Variants in RABGEF1 observed in about 807,000 individuals in gnomAD.
RABGEF1 encodes rab5 GDP/GTP exchange factor.
Under a neutral mutation model 57.3 loss-of-function variants are expected in RABGEF1, and 26 were observed. The observed-to-expected ratio is 0.45, with a 90% CI of 0.33 to 0.63. The LOEUF (loss-of-function observed/expected upper bound fraction) is 0.63. Among genes scored for constraint, RABGEF1 ranks in the 20% least tolerant of loss-of-function variants. RABGEF1 has a pLI of 0.02. For synonymous variants in RABGEF1, 185 were observed against 210.7 expected, an observed-to-expected ratio of 0.88 and a Z score of 1.06; for missense variants, 464 against 607.6, an observed-to-expected ratio of 0.76 and a Z score of 2.48.
At chr7:66,758,428 C>T (rs1310462468) in intron 1 of RABGEF1, among the ~76,000 whole-genome samples, 2 of 152,260 alleles carry the variant, frequency 1.3e-5, no homozygotes, top group East Asian at 1.9e-4. Flanking sequence ...ATAAGTGGGA[C>T]CAATTGAATT....
At chr7:66,765,619 T>G (rs1056795167) in intron 1 of RABGEF1, among the ~76,000 whole-genome samples, 5 of 152,186 alleles carry the variant, frequency 3.3e-5, no homozygotes, top group Admixed American at 6.5e-5. Context: ...TTTCTCTGCT[T>G]CTTGGGGTAT....
chr7:66,702,122 T>A (rs540933816), intron 1 of RABGEF1, among the ~76,000 whole-genome samples: 38 of 152,330 alleles, frequency 2.5e-4, no homozygotes, highest in South Asian at 2.3e-3. Flanking sequence ...ATTTGCCTAT[T>A]TGGATATTCA....
chr7:66,701,314 C>T (rs1793223695), intron 1 of RABGEF1, among the ~76,000 whole-genome samples: 1 of 151,628 alleles, frequency 6.6e-6, no homozygotes, highest in African/African-American at 2.4e-5. Context: ...GCCTAGGCAA[C>T]ATAGCGAGAC....
At chr7:66,744,940 C>A (rs1427679472) in intron 1 of RABGEF1, among the ~76,000 whole-genome samples, 1 of 152,118 alleles carries the variant, frequency 6.6e-6, no homozygotes, top group Non-Finnish European at 1.5e-5. Flanking sequence ...CGCCTGTAAT[C>A]CCAGCACTTT....
At chr7:66,690,635 A>G (rs1791381604) in intron 1 of RABGEF1, among the ~76,000 whole-genome samples, 1 of 151,538 alleles carries the variant, frequency 6.6e-6, no homozygotes, top group South Asian at 2.1e-4. Flanking sequence ...GGATCTGGGA[A>G]GTTGAGGCTG....
rs567205703 is a variant in RABGEF1 at position 66,809,953 on chromosome 7, T to A, written c.*669T>A. ...TTTGAGGTTCTATATAGTCAGAGACTATGACACCACTAAGGTTCAGAATAA... is the reference window on the plus strand; with the variant it reads ...TTTGAGGTTCTATATAGTCAGAGACAATGACACCACTAAGGTTCAGAATAA... On this transcript the variant is annotated 3_prime_UTR_variant, in exon 9 of 9. Transcript: ENST00000284957. 1.2e-4 allele frequency: 18 copies of A among 152,742 alleles called. No individual in the cohort carries two copies. Among genetic ancestry groups the A allele is most frequent in the African/African-American group, 4.3e-4 (18 of 41,594 alleles). 9.5% of individuals were successfully genotyped at this position (152,742 alleles called of 1,614,324 possible).
intron 1 of RABGEF1, among the ~76,000 whole-genome samples, chr7:66,693,076 T>C (rs1246733104): frequency 1.3e-5 from 2 of 152,190 alleles, no homozygotes; most frequent in African/African-American, 4.8e-5. Flanking sequence ...TTCACTCAGC[T>C]GAAAGGCACG....
At chr7:66,789,323 G>A (rs1199023197) in intron 4 of RABGEF1, among the ~76,000 whole-genome samples, 1 of 152,156 alleles carries the variant, frequency 6.6e-6, no homozygotes, top group Non-Finnish European at 1.5e-5. Flanking sequence ...AGGATGAGAA[G>A]TGAGGCAGTG....
At chr7:66,781,040 AT>A (rs1426087374) in intron 3 of RABGEF1, among the ~76,000 whole-genome samples, 1 of 152,084 alleles carries the variant, frequency 6.6e-6, no homozygotes, top group African/African-American at 2.4e-5. Context: ...ATTTAATGTG[AT>A]TTTTGATAAG....
intron 4 of RABGEF1, among the ~76,000 whole-genome samples, chr7:66,791,919 C>G (rs1265208955): frequency 1.3e-5 from 2 of 152,084 alleles, no homozygotes; most frequent in African/African-American, 2.4e-5. Flanking sequence ...CAAGACCAGC[C>G]TGGCCAAGAT....
At chr7:66,663,535 GCCACTGCAC>G in the RABGEF1 span, among the ~76,000 whole-genome samples, 1 of 142,898 alleles carries the variant, frequency 7.0e-6, no homozygotes, top group Non-Finnish European at 1.5e-5. Context: ...CTGAGATCAC[GCCACTGCAC>G]TCCAGCCTGG....
the RABGEF1 span, among the ~76,000 whole-genome samples, chr7:66,668,208 CT>C: frequency 2.0e-5 from 3 of 152,230 alleles, no homozygotes; most frequent in Non-Finnish European, 4.4e-5. Flanking sequence ...AGTAATCCTC[CT>C]GCCTCAGCCT....
chr7:66,659,452 A>C, the RABGEF1 span, among the ~76,000 whole-genome samples: 2 of 142,124 alleles, frequency 1.4e-5, no homozygotes, highest in Non-Finnish European at 1.5e-5. Context: ...ACTCCATCTC[A>C]AAAAAAAAAA....
chr7:66,661,298 C>CAAAAAAAAA, the RABGEF1 span, among the ~76,000 whole-genome samples: 65 of 77,972 alleles, frequency 8.3e-4, 2 homozygotes, highest in Non-Finnish European at 1.0e-3. Context: ...GACTCCATCT[C>CAAAAAAAAA]AAAAAAAAAA....
intron 3 of RABGEF1, among the ~76,000 whole-genome samples, chr7:66,781,238 C>G (rs183446077): frequency 6.6e-6 from 1 of 151,800 alleles, no homozygotes; most frequent in Non-Finnish European, 1.5e-5. Context: ...ACATCTTTAA[C>G]TTACCTACCT....
chr7:66,702,040 A>G (rs1793354336), intron 1 of RABGEF1, among the ~76,000 whole-genome samples: 1 of 152,220 alleles, frequency 6.6e-6, no homozygotes, highest in African/African-American at 2.4e-5. Context: ...TCCAATACCC[A>G]TTAAGCTGTC....
chr7:66,699,289 C>T (rs546015850), intron 1 of RABGEF1, among the ~76,000 whole-genome samples: 1 of 152,210 alleles, frequency 6.6e-6, no homozygotes. Context: ...CTCTGTTCCC[C>T]TAGACCGGGA....
chr7:66,738,387 C>G (rs1268327594), upstream of RABGEF1, among the ~76,000 whole-genome samples: 1 of 152,116 alleles, frequency 6.6e-6, no homozygotes, highest in Non-Finnish European at 1.5e-5. Flanking sequence ...CTGCTTTCCT[C>G]AGGCCTTTTC....
At chr7:66,790,928 A>G (rs372024524) in intron 4 of RABGEF1, among the ~76,000 whole-genome samples, 9 of 152,350 alleles carry the variant, frequency 5.9e-5, no homozygotes, top group East Asian at 5.8e-4. Context: ...TAAATGAACA[A>G]AATGTCTTTG....
Sources: allele counts gnomAD v4.1 joint callset (sites outside exome capture counted in the v4.1 genomes callset), GRCh38; gene constraint gnomAD v4.1.1; transcripts MANE v1.5; gene names NCBI Gene and HGNC (gene_info 2026-07-23, HGNC 2026-07-21).